BAZ2B: variants seen among roughly 807,000 people sequenced by gnomAD.
The protein encoded by BAZ2B is bromodomain adjacent to zinc finger domain 2B.
BAZ2B carries 91 observed loss-of-function variants against 246.0 expected under a neutral mutation model. That is an observed-to-expected ratio of 0.37 (90% CI 0.31 to 0.44). The LOEUF is 0.44. Ranked by LOEUF, BAZ2B falls within the 20% of genes least tolerant of loss-of-function variation. The pLI, the probability that BAZ2B is intolerant of heterozygous loss-of-function variation, is 1.00. For synonymous variants in BAZ2B, 855 were observed against 860.0 expected (o/e 0.99, Z 0.10); for missense variants, 2,332 against 2,533.7 (o/e 0.92, Z 1.71).
chr2:159,554,940 T>A (rs183695006), intron 2 of BAZ2B, among the ~76,000 whole-genome samples: 105 of 152,128 alleles, frequency 6.9e-4, no homozygotes, highest in African/African-American at 2.5e-3. Flanking sequence ...AAGAGAACCA[T>A]CCTTTTATCA....
intron 34 of BAZ2B, among the ~76,000 whole-genome samples, chr2:159,327,055 C>CTTTTTTTT (rs67194703): frequency 7.0e-6 from 1 of 142,902 alleles, no homozygotes. Flanking sequence ...TGGCTGCAAT[C>CTTTTTTTT]TTTTTTTTTT....
intron 1 of BAZ2B, among the ~76,000 whole-genome samples, chr2:159,610,376 T>C (rs1243727850): frequency 6.6e-6 from 1 of 152,160 alleles, no homozygotes; most frequent in African/African-American, 2.4e-5. Context: ...TCCTAGCGAG[T>C]TAAGAGCTTC....
At chr2:159,462,762 G>A in intron 3 of BAZ2B, 1 of 1,413,896 alleles carries the variant, frequency 7.1e-7, no homozygotes, top group Non-Finnish European at 1.0e-6. Context: ...AAGTTTTTAG[G>A]CTGACACTCA....
chr2:159,563,733 TA>T (rs2090098950), intron 1 of BAZ2B, among the ~76,000 whole-genome samples: 1 of 152,144 alleles, frequency 6.6e-6, no homozygotes, highest in East Asian at 1.9e-4. Flanking sequence ...TGAAAAAAAG[TA>T]ATGGTTGTAC....
intron 13 of BAZ2B, among the ~76,000 whole-genome samples, chr2:159,414,468 G>A (rs1281064807): frequency 6.6e-6 from 1 of 152,186 alleles, no homozygotes; most frequent in Non-Finnish European, 1.5e-5. Context: ...TGCTTGAGGT[G>A]ATGAATACCC....
chr2:159,381,183 A>C (rs2061958338), intron 25 of BAZ2B, among the ~76,000 whole-genome samples: 1 of 152,122 alleles, frequency 6.6e-6, no homozygotes, highest in Non-Finnish European at 1.5e-5. Context: ...ATTTTAAATT[A>C]TCATCTACCT....
intron 1 of BAZ2B, among the ~76,000 whole-genome samples, chr2:159,565,645 C>T (rs1002112321): frequency 2.3e-4 from 35 of 151,902 alleles, no homozygotes; most frequent in Non-Finnish European, 8.8e-5. Context: ...GGTGTTGTTG[C>T]GCGCCCCTGT....
At chr2:159,575,924 G>A (rs1167502855) in intron 1 of BAZ2B, among the ~76,000 whole-genome samples, 1 of 152,086 alleles carries the variant, frequency 6.6e-6, no homozygotes. Flanking sequence ...GAAGTTTGGA[G>A]GACAGAAAGC....
In BAZ2B at chr2:159,348,815, CACCA is replaced by C; in HGVS notation, c.5152_5155del (p.Trp1718GlyfsTer9). 1 of 1,601,290 alleles carries C rather than the reference CACCA, an allele frequency of 6.2e-7. No individual in the cohort carries two copies. Among genetic ancestry groups the C allele is most frequent in the Non-Finnish European group, 8.5e-7 (1 of 1,176,992 alleles). On this transcript the variant is annotated frameshift_variant, in exon 30 of 37. Coordinates refer to ENST00000392783, the MANE Select transcript of BAZ2B (RefSeq NM_013450.4). LOFTEE classifies it high-confidence loss of function. ...TAGGTCCTCTGGGTCAATAATTCTC[CACCA>C]ACCAAACTGCATTTCTAAGTCAAGA...
At chr2:159,381,281 A>T (rs2061968335) in intron 25 of BAZ2B, among the ~76,000 whole-genome samples, 1 of 152,148 alleles carries the variant, frequency 6.6e-6, no homozygotes, top group Non-Finnish European at 1.5e-5. Flanking sequence ...AAGCTCCTAT[A>T]CATGGGTACC....
chr2:159,349,266 T>C lies in BAZ2B; in HGVS notation c.4878A>G (p.Val1626=), dbSNP rs1158342759. The change falls in exon 29 of 37, where the codon GTA becomes GTG. Residue 1626 remains valine, a synonymous_variant. Transcript: ENST00000392783. ...ALSPLQVKGG[V]SMMGLQFCGW... is the part of the protein sequence containing the mutation. ...CACAAAACTGAAGTCCCATCATAGATACTCCACCTTTCACCTGCAAAAAGA... is the reference window on the plus strand; with the variant it reads ...CACAAAACTGAAGTCCCATCATAGACACTCCACCTTTCACCTGCAAAAAGA... 1.2e-6 allele frequency: 2 copies of C among 1,602,534 alleles called. No homozygotes were observed. The highest frequency in any genetic ancestry group is 2.7e-5 in the African/African-American group (2 of 74,632).
At chr2:159,591,106 T>A (rs1225198232) in intron 1 of BAZ2B, among the ~76,000 whole-genome samples, 1 of 152,176 alleles carries the variant, frequency 6.6e-6, no homozygotes, top group Non-Finnish European at 1.5e-5. Context: ...CAAATCTCAT[T>A]GCCTAAAACT....
chr2:159,678,138 G>A, the BAZ2B span, among the ~76,000 whole-genome samples: 2 of 152,104 alleles, frequency 1.3e-5, no homozygotes, highest in Admixed American at 6.5e-5. Context: ...TCTATTTTAC[G>A]TAATGCTAAA....
intron 2 of BAZ2B, among the ~76,000 whole-genome samples, chr2:159,479,851 A>G (rs2079048814): frequency 6.6e-6 from 1 of 152,188 alleles, no homozygotes; most frequent in South Asian, 2.1e-4. Flanking sequence ...TTCTAATCAT[A>G]TAGAATTCAA....
the BAZ2B span, among the ~76,000 whole-genome samples, chr2:159,633,886 C>A: frequency 2.0e-5 from 3 of 151,856 alleles, no homozygotes; most frequent in Non-Finnish European, 2.9e-5. Context: ...ATTACCAGAA[C>A]GTACCACCAC....
chr2:159,472,691 T>C (rs2077965292), intron 3 of BAZ2B, among the ~76,000 whole-genome samples: 5 of 152,200 alleles, frequency 3.3e-5, no homozygotes, highest in Admixed American at 3.3e-4. Flanking sequence ...GGTTTTAGCA[T>C]GAAGGGGTGT....
At position 159,347,595 on chromosome 2, in the gene BAZ2B, A is replaced by G. The variant is rs765312651; in HGVS notation, c.5345T>C (p.Ile1782Thr). ...ENEENQVTRDIVENWSVEEQA... is the reference protein window; with the variant it reads ...ENEENQVTRDTVENWSVEEQA... ...TTCTTCTACTGACCAGTTCTCCACA[A>G]TATCTCGAGTTACTTGGTTTTCTTC... The change falls in exon 31 of 37, where the codon ATT becomes ACT. Residue 1782 changes from isoleucine to threonine, a missense_variant. Ile to Thr is a moderately conservative substitution (Grantham distance 89, BLOSUM62 -1). This residue lies in a region of BAZ2B where 676 missense variants were observed against 668.6 expected (regional missense o/e 1.01). Coordinates refer to ENST00000392783, the MANE Select transcript of BAZ2B (RefSeq NM_013450.4). The G allele has an allele frequency of 3.7e-6, 6 of 1,612,812 alleles. No individual in the cohort carries two copies. Among genetic ancestry groups the G allele is most frequent in the Middle Eastern group, 1.7e-4 (1 of 6,056 alleles).
At chr2:159,339,389 T>C (rs1396457194) in intron 31 of BAZ2B, among the ~76,000 whole-genome samples, 2 of 152,188 alleles carry the variant, frequency 1.3e-5, no homozygotes, top group Non-Finnish European at 2.9e-5. Context: ...GATGCTTCTC[T>C]ACCCTCATTC....
chr2:159,676,308 T>C, the BAZ2B span, among the ~76,000 whole-genome samples: 1 of 152,108 alleles, frequency 6.6e-6, no homozygotes, highest in East Asian at 1.9e-4. Context: ...GCTAGGATTA[T>C]AGGTGTGATC....
Sources: allele counts gnomAD v4.1 joint callset (sites outside exome capture counted in the v4.1 genomes callset), GRCh38; gene constraint gnomAD v4.1.1; regional missense constraint gnomAD v4.1.1; transcripts MANE v1.5; gene names NCBI Gene and HGNC (gene_info 2026-07-23, HGNC 2026-07-21).